GTF3C5: variants seen among roughly 807,000 people sequenced by gnomAD.
GTF3C5 encodes the protein general transcription factor IIIC subunit 5, also known as general transcription factor 3C polypeptide 5.
GTF3C5 carries 47 observed loss-of-function variants against 61.0 expected under a neutral mutation model. The ratio of observed to expected loss-of-function variants is 0.77; its 90% CI spans 0.61 to 0.98. GTF3C5 has a LOEUF of 0.98. GTF3C5 is among the 50% of genes least tolerant of loss of function. The pLI is 0.00. For missense variants in GTF3C5, 659 were observed against 703.3 expected, an observed-to-expected ratio of 0.94 and a Z score of 0.71; for synonymous variants, 295 against 275.4, an observed-to-expected ratio of 1.07 and a Z score of -0.71.
intron 1 of GTF3C5, among the ~76,000 whole-genome samples, chr9:133,041,184 T>C (rs1234961960): frequency 6.6e-6 from 1 of 152,200 alleles, no homozygotes; most frequent in Non-Finnish European, 1.5e-5. Context: ...AAACACCCGC[T>C]ACTTAGCAGA....
intron 10 of GTF3C5, 68 bp downstream of exon 10, chr9:133,056,976 T>G: frequency 1.4e-6 from 2 of 1,400,436 alleles, no homozygotes; most frequent in South Asian, 3.0e-5. Flanking sequence ...GAGGTGTCCC[T>G]AAGGGGACCC....
rs554808290 is a variant in GTF3C5 at position 133,041,716 on chromosome 9, A to C, written c.154-371A>C. 3.2e-4 allele frequency among the ~76,000 whole-genome samples: 48 copies of C among 152,218 alleles called. No individual in the cohort carries two copies. In the South Asian group the frequency reaches 8.9e-3, roughly 28 times the overall value. On this transcript the variant is annotated intron_variant, in intron 1 of 10. Transcript: ENST00000372097. Reference sequence around the variant, plus strand: ...CTTTGTCTTGTGTCTTTATTTCTGCAGTCTCGTCTCCACACACAGGGAGAA... The same window carrying C: ...CTTTGTCTTGTGTCTTTATTTCTGCCGTCTCGTCTCCACACACAGGGAGAA...
chr9:133,039,564 C>G (rs1449041086), intron 1 of GTF3C5, among the ~76,000 whole-genome samples: 1 of 152,148 alleles, frequency 6.6e-6, no homozygotes, highest in Non-Finnish European at 1.5e-5. Context: ...CCACCACGCC[C>G]AGCTAGTTTT....
chr9:133,057,023 C>A, intron 10 of GTF3C5, 115 bp downstream of exon 10: 1 of 1,028,798 alleles, frequency 9.7e-7, no homozygotes, highest in Non-Finnish European at 1.4e-6. Flanking sequence ...CATCATCTTG[C>A]CCCTGGCCCT....
intron 7 of GTF3C5, 71 bp downstream of exon 7, chr9:133,054,559 C>T (rs1025701969): frequency 2.3e-5 from 35 of 1,492,580 alleles, no homozygotes; most frequent in African/African-American, 4.1e-5. Flanking sequence ...TGGACCCAGA[C>T]GGGGAGGTGG....
At chr9:133,051,226 T>G (rs979466585) in intron 4 of GTF3C5, among the ~76,000 whole-genome samples, 3 of 152,256 alleles carry the variant, frequency 2.0e-5, no homozygotes, top group African/African-American at 7.2e-5. Flanking sequence ...TGTTCAGATG[T>G]GACATAAACG....
intron 4 of GTF3C5, among the ~76,000 whole-genome samples, chr9:133,051,420 A>T (rs2119021750): frequency 6.6e-6 from 1 of 152,110 alleles, no homozygotes; most frequent in Non-Finnish European, 1.5e-5. Flanking sequence ...TGGCATGAGC[A>T]TCAGGTTCAC....
chr9:133,034,627 G>A (rs1849815373), intron 1 of GTF3C5, among the ~76,000 whole-genome samples: 1 of 151,986 alleles, frequency 6.6e-6, no homozygotes, highest in South Asian at 2.1e-4. Flanking sequence ...CGTTCGAATC[G>A]CTGTTTCAGT....
At chr9:133,053,351 G>C (rs1850443706) in intron 5 of GTF3C5, among the ~76,000 whole-genome samples, 1 of 152,184 alleles carries the variant, frequency 6.6e-6, no homozygotes, top group Non-Finnish European at 1.5e-5. Context: ...TCGGGAGGCT[G>C]AAGCGGGAGA....
At chr9:133,034,606 C>T (rs1462424395) in intron 1 of GTF3C5, among the ~76,000 whole-genome samples, 3 of 152,138 alleles carry the variant, frequency 2.0e-5, no homozygotes, top group East Asian at 3.8e-4. Context: ...GTGTGCCCAT[C>T]CCTTTTCAGC....
chr9:133,041,228 T>A lies in GTF3C5; in HGVS notation c.154-859T>A, dbSNP rs1484284813. On this transcript the variant is annotated intron_variant, in intron 1 of 10. Coordinates refer to ENST00000372097, the MANE Select transcript of GTF3C5 (RefSeq NM_012087.4). ...GGGAGTCTCCCTTTCCCTGGGGGAG[T>A]TTGGAGAAGACTCTACTCCTCCACC... Among the ~76,000 whole-genome samples, 4 of 151,938 alleles carry A rather than the reference T, an allele frequency of 2.6e-5. No individual in the cohort carries two copies. The East Asian group carries it at 7.7e-4, about 29-fold the overall frequency.
At chr9:133,054,666 C>G in intron 7 of GTF3C5, 46 bp from the exon 8 acceptor site, 1 of 1,500,578 alleles carries the variant, frequency 6.7e-7, no homozygotes, top group South Asian at 1.2e-5. Flanking sequence ...AGAGACACCT[C>G]CTCCCCACCC....
intron 2 of GTF3C5, among the ~76,000 whole-genome samples, chr9:133,042,699 C>T (rs1850073152): frequency 6.6e-6 from 1 of 152,244 alleles, no homozygotes. Context: ...GGACCTCCTC[C>T]TCCTCTGAAC....
chr9:133,038,221 A>G (rs540600604), intron 1 of GTF3C5, among the ~76,000 whole-genome samples: 2 of 152,048 alleles, frequency 1.3e-5, no homozygotes, highest in Non-Finnish European at 2.9e-5. Flanking sequence ...TTGAGGAGGA[A>G]CTCACTCAAC....
At chr9:133,049,991 A>G (rs955200443) in intron 3 of GTF3C5, among the ~76,000 whole-genome samples, 7 of 152,086 alleles carry the variant, frequency 4.6e-5, no homozygotes, top group South Asian at 4.2e-4. Flanking sequence ...TGGACATTCT[A>G]TGTGTTTGGA....
chr9:133,031,843 G>A (rs1849742651), intron 1 of GTF3C5, among the ~76,000 whole-genome samples: 1 of 152,136 alleles, frequency 6.6e-6, no homozygotes, highest in Admixed American at 6.5e-5. Flanking sequence ...GTGGCGGGGT[G>A]AGTAGTTTTG....
Position 133,043,716 on chromosome 9 carries a change from C to T in GTF3C5, c.374-12C>T, listed in dbSNP as rs774499435. 5.0e-6 allele frequency: 8 copies of T among 1,611,944 alleles called. No individual in the cohort carries two copies. The highest frequency in any genetic ancestry group is 1.6e-4 in the Middle Eastern group (1 of 6,078). On this transcript the variant is annotated splice_polypyrimidine_tract_variant and intron_variant, in intron 2 of 10. Coordinates refer to ENST00000372097, the MANE Select transcript of GTF3C5 (RefSeq NM_012087.4). The stretch of plus-strand genomic sequence containing the variant: ...GACTCAATGTCTGCCATCTGCCCAC[C>T]TCTCTTTCTAGGGATGTCTGACTTC...
At chr9:133,053,354 G>C (rs1489920271) in intron 5 of GTF3C5, among the ~76,000 whole-genome samples, 1 of 152,192 alleles carries the variant, frequency 6.6e-6, no homozygotes, top group Non-Finnish European at 1.5e-5. Flanking sequence ...GGAGGCTGAA[G>C]CGGGAGAATC....
intron 5 of GTF3C5, among the ~76,000 whole-genome samples, chr9:133,053,584 C>G (rs1829826651): frequency 6.6e-6 from 1 of 152,086 alleles, no homozygotes; most frequent in African/African-American, 2.4e-5. Context: ...ACCCTCTCCC[C>G]CAAAAAACAA....
Sources: gnomAD v4.1 joint callset for allele counts (sites outside exome capture counted in the v4.1 genomes callset) on GRCh38, gnomAD v4.1.1 for gene constraint, MANE v1.5 for transcripts, NCBI Gene and HGNC (gene_info 2026-07-23, HGNC 2026-07-21) for gene names.